Variants in CADPS observed in about 807,000 individuals in gnomAD.
The protein encoded by CADPS is calcium dependent secretion activator, also known as calcium-dependent secretion activator 1.
In CADPS, 57 loss-of-function variants were observed where a neutral mutation model predicts 167.3. The ratio of observed to expected loss-of-function variants is 0.34; its 90% CI spans 0.28 to 0.42. The LOEUF (loss-of-function observed/expected upper bound fraction) is 0.42, where lower values mean the gene tolerates loss of function less well. Ranked by LOEUF, CADPS falls within the 20% of genes least tolerant of loss-of-function variation. The pLI is 1.00. For synonymous variants in CADPS, 676 were observed against 635.3 expected (o/e 1.06, Z -0.96); for missense variants, 1,414 against 1,738.1 (o/e 0.81, Z 3.32).
intron 27 of CADPS, chr3:62,440,408 C>T (rs74461830): frequency 7.9e-5 from 12 of 152,082 alleles, no homozygotes; most frequent in East Asian, 1.9e-4. Flanking sequence ...CTTACCTCCA[C>T]GGACTGTTAT....
chr3:62,862,899 T>C (rs1450057425), intron 1 of CADPS, among the ~76,000 whole-genome samples: 1 of 152,232 alleles, frequency 6.6e-6, no homozygotes, highest in African/African-American at 2.4e-5. Flanking sequence ...GGGACTTCTC[T>C]GGACCTAACT....
At position 62,443,500 on chromosome 3, in the gene CADPS, G is replaced by C. The variant is rs371587274; in HGVS notation, c.3669+2265C>G. 6.6e-5 allele frequency among the ~76,000 whole-genome samples: 10 copies of C among 152,140 alleles called. No homozygotes were observed. In the East Asian group the frequency reaches 1.9e-3, roughly 29 times the overall value. On this transcript the variant is annotated intron_variant, in intron 27 of 29. Transcript: ENST00000383710. ...TGTGTCCCCACCCAAATCTCATCTT[G>C]AATTATAGCTCCCACAATCCCCAAG...
At chr3:62,484,418 T>G (rs950271817) in intron 21 of CADPS, among the ~76,000 whole-genome samples, 1 of 152,206 alleles carries the variant, frequency 6.6e-6, no homozygotes, top group African/African-American at 2.4e-5. Flanking sequence ...AATTATTACT[T>G]TGAAGAGGGC....
intron 3 of CADPS, among the ~76,000 whole-genome samples, chr3:62,733,811 C>T (rs950940183): frequency 5.3e-5 from 8 of 152,092 alleles, no homozygotes; most frequent in African/African-American, 1.9e-4. Context: ...ATACGCGATA[C>T]CCAATATGTA....
chr3:62,694,908 G>T (rs2151386672), intron 3 of CADPS, among the ~76,000 whole-genome samples: 1 of 152,160 alleles, frequency 6.6e-6, no homozygotes, highest in South Asian at 2.1e-4. Flanking sequence ...ATTATATGGT[G>T]CTGTTTTCTC....
At chr3:62,714,779 T>C (rs2084096128) in intron 3 of CADPS, among the ~76,000 whole-genome samples, 2 of 152,176 alleles carry the variant, frequency 1.3e-5, no homozygotes, top group African/African-American at 4.8e-5. Flanking sequence ...TCCTGCCACA[T>C]ATGACACAAA....
chr3:62,741,163 C>T (rs2080149891), intron 3 of CADPS, among the ~76,000 whole-genome samples: 1 of 152,096 alleles, frequency 6.6e-6, no homozygotes, highest in Non-Finnish European at 1.5e-5. Flanking sequence ...CTAGCACCAA[C>T]CACCTTATTA....
At chr3:62,814,573 C>T (rs913602785) in intron 1 of CADPS, 8 of 152,072 alleles carry the variant, frequency 5.3e-5, no homozygotes, top group African/African-American at 1.9e-4. Flanking sequence ...ATGTACGGTG[C>T]ATCTTGGTAT....
Position 62,874,856 on chromosome 3 carries a change from C to T in CADPS, c.174G>A (p.Gly58=). ...TGCCCCCGCCGCCGCCTGCACCCAC[C>T]CCGGCTCCGGCGCCGGCGCCGCCGC... The part of the protein sequence containing the change: ...LGGGGAGAGA[G]VGAGGGGGSG... Residue 58 remains glycine (G), a synonymous_variant, in exon 1 of 30, where the codon GGG becomes GGA. Coordinates refer to ENST00000383710, the MANE Select transcript of CADPS (RefSeq NM_003716.4). This position sits in a 1 kb window ranked among gnomAD's most constrained non-coding sequence, Gnocchi z 7.1. 2 of 1,087,814 alleles carry T rather than the reference C, an allele frequency of 1.8e-6. No homozygotes were observed. The highest frequency in any genetic ancestry group is 8.2e-5 in the South Asian group (2 of 24,406). 67.4% of individuals were successfully genotyped at this position (1,087,814 alleles called of 1,614,324 possible). A position where few individuals can be genotyped will look rare whatever the true frequency, so the allele number is the denominator to read the frequency against.
chr3:62,592,670 G>T lies in CADPS; in HGVS notation c.1404C>A (p.Gly468=), dbSNP rs376804685. ...VKVKLFTEST[G]VLALEDKELG... is the part of the protein sequence containing the mutation. ...GCTCCTTGTCCTCCAACGCCAGGACGCCTGTGCTCTCTGTGAACAGCTTCA... is the reference window on the plus strand; with the variant it reads ...GCTCCTTGTCCTCCAACGCCAGGACTCCTGTGCTCTCTGTGAACAGCTTCA... The change falls in exon 7 of 30, where the codon GGC becomes GGA. Residue 468 remains glycine, a synonymous_variant. Coordinates refer to ENST00000383710, the MANE Select transcript of CADPS (RefSeq NM_003716.4). 2.6e-5 allele frequency: 42 copies of T among 1,613,830 alleles called. No homozygotes were observed. In the African/African-American group the frequency reaches 5.3e-4, roughly 21 times the overall value.
intron 3 of CADPS, among the ~76,000 whole-genome samples, chr3:62,678,629 T>C (rs2076673969): frequency 6.6e-6 from 1 of 152,112 alleles, no homozygotes; most frequent in Admixed American, 6.6e-5. Context: ...TTGAGATTTC[T>C]GGGCCCCAGA....
chr3:62,400,245 AT>A (rs531296627), intron 29 of CADPS, among the ~76,000 whole-genome samples: 29 of 152,274 alleles, frequency 1.9e-4, no homozygotes, highest in Admixed American at 5.9e-4. Flanking sequence ...CAGGGAAGAA[AT>A]TTGGCTCTTT....
intron 3 of CADPS, among the ~76,000 whole-genome samples, chr3:62,733,118 A>G (rs1370708507): frequency 6.6e-6 from 1 of 152,216 alleles, no homozygotes; most frequent in Non-Finnish European, 1.5e-5. Context: ...ACTTCCAATT[A>G]ACTTTCATAA....
intron 4 of CADPS, among the ~76,000 whole-genome samples, chr3:62,658,170 ATAG>A (rs1177978582): frequency 1.2e-4 from 18 of 152,202 alleles, no homozygotes; most frequent in African/African-American, 4.3e-4. Flanking sequence ...AGTTTTCTGC[ATAG>A]TAGTTGTGTG....
chr3:62,552,802 C>A (rs1203540069), intron 10 of CADPS, among the ~76,000 whole-genome samples: 1 of 152,136 alleles, frequency 6.6e-6, no homozygotes, highest in Admixed American at 6.5e-5. Context: ...GATAATATCA[C>A]ACCAATAAAG....
intron 16 of CADPS, among the ~76,000 whole-genome samples, chr3:62,515,247 G>A (rs375585709): frequency 1.3e-5 from 2 of 152,144 alleles, no homozygotes; most frequent in East Asian, 3.9e-4. Context: ...CGGACACATC[G>A]AGTTTTGCAC....
chr3:62,748,348 A>C (rs2081987275), intron 3 of CADPS, among the ~76,000 whole-genome samples: 1 of 73,026 alleles, frequency 1.4e-5, no homozygotes, highest in Admixed American at 1.3e-4. Context: ...CCGTCTCAAA[A>C]AAAAAAAAAA....
intron 28 of CADPS, chr3:62,403,768 T>C (rs1337911054): frequency 6.6e-6 from 1 of 152,202 alleles, no homozygotes; most frequent in Non-Finnish European, 1.5e-5. Context: ...AGGGCCAAAC[T>C]GTACTCTGGG....
chr3:62,415,785 A>G (rs145333398), intron 28 of CADPS, among the ~76,000 whole-genome samples: 90 of 152,268 alleles, frequency 5.9e-4, no homozygotes, highest in Non-Finnish European at 1.1e-3. Flanking sequence ...GCAATTAGCA[A>G]TAGGCACGGA....
Sources: allele counts gnomAD v4.1 joint callset (sites outside exome capture counted in the v4.1 genomes callset), GRCh38; gene constraint gnomAD v4.1.1; non-coding constraint Gnocchi (gnomAD v3.1); transcripts MANE v1.5; gene names NCBI Gene and HGNC (gene_info 2026-07-23, HGNC 2026-07-21).